The following DPYSL3 variants were observed in gnomAD, a reference collection of about 807,000 sequenced individuals.
DPYSL3 encodes dihydropyrimidinase like 3, also known as dihydropyrimidinase-related protein 3.
Under a neutral mutation model 66.1 loss-of-function variants are expected in DPYSL3, and 16 were observed. The ratio of observed to expected loss-of-function variants is 0.24; its 90% confidence interval spans 0.16 to 0.37. The LOEUF is 0.37. Among genes scored for constraint, DPYSL3 ranks in the 10% least tolerant of loss-of-function variants. The pLI, the probability that DPYSL3 is intolerant of heterozygous loss-of-function variation, is 1.00. For missense variants in DPYSL3, 738 were observed against 916.2 expected, an observed-to-expected ratio of 0.81 and a Z score of 2.51; for synonymous variants, 338 against 345.1, an observed-to-expected ratio of 0.98 and a Z score of 0.23.
chr5:147,481,441 T>C, intron 1 of DPYSL3, among the ~76,000 whole-genome samples: 1 of 152,244 alleles, frequency 6.6e-6, no homozygotes. Flanking sequence ...AGGAGGTTCC[T>C]GGGTCAGAGA....
chr5:147,424,475 C>A (rs1413966050), intron 2 of DPYSL3, among the ~76,000 whole-genome samples: 1 of 152,172 alleles, frequency 6.6e-6, no homozygotes, highest in Admixed American at 6.6e-5. Flanking sequence ...CTGTGCTCTG[C>A]CCATCTAAGT....
chr5:147,435,187 T>G lies in DPYSL3; in HGVS notation c.382-10224A>C, dbSNP rs190185188. On this transcript the variant is annotated intron_variant, in intron 1 of 13. Coordinates refer to ENST00000343218, the MANE Select transcript of DPYSL3 (RefSeq NM_001197294.2). ...GAGATTAAAGGATCCACAGAGGCCT[T>G]GCCTAAGTGAATCTAAGGTAAATAG... is the stretch of plus-strand genomic sequence containing the variant. 1.1e-3 allele frequency among the ~76,000 whole-genome samples: 175 copies of G among 152,304 alleles called. 3 individuals carry two copies. The highest frequency in any genetic ancestry group is 0.01 in the Middle Eastern group (3 of 294).
intron 1 of DPYSL3, among the ~76,000 whole-genome samples, chr5:147,458,609 C>A (rs541362173): frequency 8.5e-5 from 13 of 152,272 alleles, no homozygotes; most frequent in Non-Finnish European, 1.5e-4. Context: ...GGGTCTGGAT[C>A]GAGACCCCTT....
chr5:147,400,587 C>T, intron 10 of DPYSL3, 105 bp downstream of exon 10: 3 of 1,432,458 alleles, frequency 2.1e-6, no homozygotes, highest in Admixed American at 2.0e-5. Flanking sequence ...GTACGAGATC[C>T]CATCTGCACT....
At chr5:147,396,484 G>T (rs1757975919) in intron 12 of DPYSL3, among the ~76,000 whole-genome samples, 1 of 152,182 alleles carries the variant, frequency 6.6e-6, no homozygotes, top group Admixed American at 6.5e-5. Context: ...TTGGCCAGAG[G>T]GGAGGCAATG....
chr5:147,402,341 C>CAT (rs1561773424), intron 8 of DPYSL3, among the ~76,000 whole-genome samples: 5 of 135,048 alleles, frequency 3.7e-5, no homozygotes, highest in Non-Finnish European at 1.5e-5. Context: ...ACTCTCATGA[C>CAT]TTTTTTTTTT....
chr5:147,424,226 T>G (rs570762304), intron 2 of DPYSL3, among the ~76,000 whole-genome samples: 3 of 152,230 alleles, frequency 2.0e-5, no homozygotes, highest in Non-Finnish European at 4.4e-5. Flanking sequence ...ACAGGGCTAA[T>G]AGAATGGGTT....
At chr5:147,476,155 C>G (rs1753151611) in intron 1 of DPYSL3, among the ~76,000 whole-genome samples, 1 of 151,598 alleles carries the variant, frequency 6.6e-6, no homozygotes, top group Admixed American at 6.6e-5. Context: ...GTCACAAACT[C>G]GATTATGAAA....
chr5:147,434,896 C>T (rs1752389094), intron 1 of DPYSL3, among the ~76,000 whole-genome samples: 1 of 152,092 alleles, frequency 6.6e-6, no homozygotes, highest in African/African-American at 2.4e-5. Flanking sequence ...TGAGTGAGTT[C>T]TAATGTAAAC....
chr5:147,425,829 A>G (rs191505638), intron 1 of DPYSL3, among the ~76,000 whole-genome samples: 1 of 152,346 alleles, frequency 6.6e-6, no homozygotes, highest in East Asian at 1.9e-4. Flanking sequence ...CACAAGTTTC[A>G]TTAAATGAAT....
chr5:147,416,717 G>A (rs988573573), intron 3 of DPYSL3, among the ~76,000 whole-genome samples: 16 of 152,148 alleles, frequency 1.1e-4, no homozygotes, highest in African/African-American at 3.4e-4. Flanking sequence ...CCACACCTAC[G>A]AATTATTCCT....
At chr5:147,444,953 T>C (rs1440988688) in intron 1 of DPYSL3, among the ~76,000 whole-genome samples, 3 of 151,880 alleles carry the variant, frequency 2.0e-5, no homozygotes, top group Admixed American at 6.6e-5. Context: ...TTGGTCTATC[T>C]AGTTGCTGCT....
intron 1 of DPYSL3, chr5:147,453,720 C>A: frequency 7.6e-7 from 1 of 1,318,514 alleles, no homozygotes; most frequent in Non-Finnish European, 9.7e-7. Flanking sequence ...GCCGCCTCCG[C>A]CCGCCTCCGC....
chr5:147,510,058 G>T lies in DPYSL3; in HGVS notation c.-200C>A, dbSNP rs963259860. ...CACAGCCAGCTAGCGCGCGGAGCAG[G>T]GGCCCAGAGTAGCGCCGCGCTTGGC... On this transcript the variant is annotated 5_prime_UTR_variant, in exon 1 of 14. Coordinates refer to ENST00000343218, the MANE Select transcript of DPYSL3 (RefSeq NM_001197294.2). 2 of 893,460 alleles carry T rather than the reference G, an allele frequency of 2.2e-6. No individual in the cohort carries two copies. Among genetic ancestry groups the T allele is most frequent in the Admixed American group, 6.5e-5 (2 of 30,690 alleles). The allele number at this position is 893,460 out of a possible 1,614,324, so 55.3% of individuals were successfully genotyped here.
At chr5:147,482,091 A>G (rs1000051878) in intron 1 of DPYSL3, among the ~76,000 whole-genome samples, 18 of 152,206 alleles carry the variant, frequency 1.2e-4, no homozygotes, top group Admixed American at 6.5e-5. Context: ...TAACCATGAG[A>G]AATGATCCAG....
At position 147,416,445 on chromosome 5, in the gene DPYSL3, T is replaced by C. The variant is rs1381383713; in HGVS notation, c.656-572A>G. Reference sequence around the variant, plus strand: ...ACTGGGCCCGCAGATCTTATTTCCATGGAAACTTCTTGTCAAGAATCTGGT... The same window carrying C: ...ACTGGGCCCGCAGATCTTATTTCCACGGAAACTTCTTGTCAAGAATCTGGT... On this transcript the variant is annotated intron_variant, in intron 3 of 13. Transcript: ENST00000343218. Among the ~76,000 whole-genome samples the C allele has an allele frequency of 3.9e-5, 6 of 152,358 alleles. No individual in the cohort carries two copies. In the East Asian group the frequency reaches 7.7e-4, roughly 20 times the overall value.
At chr5:147,423,531 T>A (rs998794655) in intron 2 of DPYSL3, among the ~76,000 whole-genome samples, 1 of 152,116 alleles carries the variant, frequency 6.6e-6, no homozygotes, top group African/African-American at 2.4e-5. Flanking sequence ...TACTACACAC[T>A]CAATAAAAAG....
In DPYSL3 at chr5:147,395,809, T is replaced by C. The variant is rs1281199912; in HGVS notation, c.1804-88A>G. On this transcript the variant is annotated intron_variant, in intron 12 of 13. Coordinates refer to ENST00000343218, the MANE Select transcript of DPYSL3 (RefSeq NM_001197294.2). The stretch of plus-strand genomic sequence containing the variant: ...ATCATAAATATATTAGTGAATACAG[T>C]GTGTGGTGGGAGCTAGGAATTAACA... 3.4e-6 allele frequency: 5 copies of C among 1,481,704 alleles called. No individual in the cohort carries two copies. The African/African-American group carries it at 7.0e-5, about 21-fold the overall frequency. 91.8% of individuals were successfully genotyped at this position (1,481,704 alleles called of 1,614,324 possible).
chr5:147,454,024 G>T (rs1267785825), intron 1 of DPYSL3: 29 of 155,752 alleles, frequency 1.9e-4, no homozygotes, highest in African/African-American at 6.8e-4. Flanking sequence ...GCGGAGTCAG[G>T]CTGCTCCACA....
Sources: allele counts gnomAD v4.1 joint callset (sites outside exome capture counted in the v4.1 genomes callset), GRCh38; gene constraint gnomAD v4.1.1; transcripts MANE v1.5; gene names NCBI Gene and HGNC (gene_info 2026-07-23, HGNC 2026-07-21).